The following FAM76A variants were observed in gnomAD, a reference collection of about 807,000 sequenced individuals.
FAM76A encodes protein FAM76A.
In FAM76A, 32 loss-of-function variants were observed where a neutral mutation model predicts 46.2. The ratio of observed to expected loss-of-function variants is 0.69; its 90% CI spans 0.52 to 0.93. The LOEUF is 0.93. FAM76A is among the 40% of genes least tolerant of loss of function. FAM76A has a pLI of 0.00. For synonymous variants in FAM76A, 137 were observed against 127.0 expected (o/e 1.08, Z -0.53); for missense variants, 274 against 361.5 (o/e 0.76, Z 1.96).
At chr1:27,729,424 G>C (rs2087918871) in intron 2 of FAM76A, among the ~76,000 whole-genome samples, 1 of 151,532 alleles carries the variant, frequency 6.6e-6, no homozygotes. Flanking sequence ...TGCCCAGGCT[G>C]GTCTAGAACT....
intron 7 of FAM76A, 69 bp downstream of exon 7, chr1:27,755,399 A>G (rs912322696): frequency 1.3e-6 from 2 of 1,574,824 alleles, no homozygotes; most frequent in South Asian, 1.1e-5. Context: ...GGGACATGAT[A>G]ATAACCCTTT....
chr1:27,755,432 C>A, intron 7 of FAM76A, 102 bp downstream of exon 7: 1 of 1,449,958 alleles, frequency 6.9e-7, no homozygotes, highest in Non-Finnish European at 9.5e-7. Flanking sequence ...TGTTGAGAGC[C>A]TATGTCAAGG....
chr1:27,760,668 G>A lies in FAM76A; in HGVS notation c.*87G>A, dbSNP rs2088489200. On this transcript the variant is annotated 3_prime_UTR_variant, in exon 9 of 9. Transcript: ENST00000373954. ...CCTGGCTGTTCTGTGGGAATTGCAA[G>A]CTTTCTTAAGAAATCTCTATTTTAT... 4.6e-6 allele frequency: 4 copies of A among 870,914 alleles called. No individual in the cohort carries two copies. Among genetic ancestry groups the A allele is most frequent in the South Asian group, 3.1e-5 (2 of 63,858 alleles). 53.9% of individuals were successfully genotyped at this position (870,914 alleles called of 1,614,324 possible).
chr1:27,740,578 G>T (rs1173856025), intron 4 of FAM76A: 45 of 972,770 alleles, frequency 4.6e-5, no homozygotes, highest in Non-Finnish European at 6.4e-5. Context: ...TGATTGACTT[G>T]TTAAGAAATA....
At chr1:27,741,790 G>A (rs1478530987) in intron 4 of FAM76A, among the ~76,000 whole-genome samples, 1 of 151,810 alleles carries the variant, frequency 6.6e-6, no homozygotes, top group Non-Finnish European at 1.5e-5. Flanking sequence ...GGCTGAGGCA[G>A]GAGAATTGCT....
chr1:27,758,525 AG>A (rs2088453282), intron 7 of FAM76A, among the ~76,000 whole-genome samples: 1 of 152,042 alleles, frequency 6.6e-6, no homozygotes, highest in Admixed American at 6.6e-5. Context: ...TTTTTGAGAC[AG>A]GGTCTTGCTC....
chr1:27,744,820 A>G lies in FAM76A; in HGVS notation c.512+9A>G, dbSNP rs970712791. ...GGTGGCCATTATAACAGGTAACCTC[A>G]AGACACATGAGATGGGACTAGAAGT... is the stretch of plus-strand genomic sequence containing the variant. On this transcript the variant is annotated intron_variant, in intron 5 of 8. Coordinates refer to ENST00000373954, the MANE Select transcript of FAM76A (RefSeq NM_152660.3). 5 of 1,612,364 alleles carry G rather than the reference A, an allele frequency of 3.1e-6. No individual in the cohort carries two copies. The African/African-American group carries it at 5.3e-5, about 17-fold the overall frequency.
At chr1:27,728,713 A>G (rs544560879) in intron 2 of FAM76A, among the ~76,000 whole-genome samples, 60 of 152,176 alleles carry the variant, frequency 3.9e-4, no homozygotes, top group Non-Finnish European at 5.7e-4. Flanking sequence ...TGTAAACCCA[A>G]CACTTTGGGA....
At chr1:27,744,957 CAT>C in intron 5 of FAM76A, 146 bp downstream of exon 5, 1 of 713,286 alleles carries the variant, frequency 1.4e-6, no homozygotes, top group African/African-American at 1.8e-5. Context: ...GCTCATTTGT[CAT>C]ATTTTATAGT....
intron 6 of FAM76A, among the ~76,000 whole-genome samples, chr1:27,751,330 T>G (rs2088328417): frequency 6.6e-6 from 1 of 152,222 alleles, no homozygotes; most frequent in South Asian, 2.1e-4. Flanking sequence ...TGCATTTCTT[T>G]TTTTTAAATG....
intron 6 of FAM76A, among the ~76,000 whole-genome samples, chr1:27,752,159 T>C (rs1032063438): frequency 2.6e-5 from 4 of 152,198 alleles, no homozygotes; most frequent in African/African-American, 9.6e-5. Context: ...TGCCTAATGG[T>C]TTTTCACTGA....
intron 4 of FAM76A, among the ~76,000 whole-genome samples, chr1:27,737,892 A>C (rs12729094): frequency 9.2e-5 from 13 of 141,938 alleles, no homozygotes; most frequent in African/African-American, 1.4e-4. Context: ...AAAAAAAAAA[A>C]CAGAAAAAAA....
chr1:27,740,850 C>T (rs1286260484), intron 4 of FAM76A, among the ~76,000 whole-genome samples: 2 of 151,934 alleles, frequency 1.3e-5, no homozygotes, highest in Admixed American at 6.6e-5. Flanking sequence ...ATGTGGGGCC[C>T]GGGTGTGGTG....
chr1:27,737,194 C>T (rs1232269730), intron 4 of FAM76A, among the ~76,000 whole-genome samples: 3 of 152,148 alleles, frequency 2.0e-5, no homozygotes, highest in African/African-American at 7.2e-5. Flanking sequence ...GGTGATCTAC[C>T]CGCCTCAGCC....
intron 5 of FAM76A, among the ~76,000 whole-genome samples, chr1:27,748,285 C>T (rs1042138828): frequency 1.3e-5 from 2 of 151,202 alleles, no homozygotes; most frequent in African/African-American, 4.9e-5. Context: ...GCTACCACAC[C>T]CGGCTGATTT....
chr1:27,727,030 G>A (rs181577077), intron 1 of FAM76A, among the ~76,000 whole-genome samples: 13 of 152,170 alleles, frequency 8.5e-5, no homozygotes, highest in Non-Finnish European at 1.3e-4. Context: ...TATATACCAG[G>A]TCTGGGGGAA....
intron 2 of FAM76A, among the ~76,000 whole-genome samples, chr1:27,731,227 A>T (rs116503983): frequency 1.5e-5 from 2 of 133,922 alleles, no homozygotes; most frequent in African/African-American, 5.6e-5. Flanking sequence ...TTTTTTCGAG[A>T]CACAGTTTTG....
chr1:27,744,318 G>A (rs2088205516), intron 4 of FAM76A, among the ~76,000 whole-genome samples: 2 of 151,916 alleles, frequency 1.3e-5, no homozygotes, highest in African/African-American at 2.4e-5. Flanking sequence ...TAGTAGAGAC[G>A]GGGTTTCACC....
rs567501890 is a variant in FAM76A, at chr1:27,737,916, G to A, written c.354+3733G>A. 3.7e-4 allele frequency among the ~76,000 whole-genome samples: 56 copies of A among 150,196 alleles called. No individual in the cohort carries two copies. The South Asian group carries it at 0.011, about 30-fold the overall frequency. On this transcript the variant is annotated intron_variant, in intron 4 of 8. Coordinates refer to ENST00000373954, the MANE Select transcript of FAM76A (RefSeq NM_152660.3). ...AACAGAAAAAAAAAATTAGCCAGGC[G>A]TGGTGGTGCATGTGTGGTTCCAGCT... is the stretch of plus-strand genomic sequence containing the variant.
Sources: allele counts gnomAD v4.1 joint callset (sites outside exome capture counted in the v4.1 genomes callset), GRCh38; gene constraint gnomAD v4.1.1; transcripts MANE v1.5; gene names NCBI Gene and HGNC (gene_info 2026-07-23, HGNC 2026-07-21).